HIVEP1: variants seen among roughly 807,000 people sequenced by gnomAD.
The protein encoded by HIVEP1 is zinc finger protein 40.
A neutral mutation model predicts 180.0 loss-of-function variants in HIVEP1; 36 were observed. That is an observed-to-expected ratio of 0.20 (90% confidence interval 0.15 to 0.26). HIVEP1 has a LOEUF of 0.26. HIVEP1 is among the 10% of genes least tolerant of loss of function. HIVEP1 has a pLI of 1.00. For missense variants in HIVEP1, 3,143 were observed against 3,268.7 expected (o/e 0.96, Z 0.94); for synonymous variants, 1,239 against 1,239.0 (o/e 1.00, Z 0.00).
chr6:12,011,703 G>A (rs1313098226), upstream of HIVEP1, among the ~76,000 whole-genome samples: 2 of 147,206 alleles, frequency 1.4e-5, no homozygotes, highest in Non-Finnish European at 3.0e-5. Flanking sequence ...GGCCCGCCCC[G>A]CCGGGGAGAC....
At chr6:12,107,367 T>C (rs565596716) in intron 3 of HIVEP1, among the ~76,000 whole-genome samples, 1 of 152,358 alleles carries the variant, frequency 6.6e-6, no homozygotes, top group South Asian at 2.1e-4. Context: ...TCTGAGTCTT[T>C]ATCCAGTCAT....
intron 2 of HIVEP1, among the ~76,000 whole-genome samples, chr6:12,043,527 CAGCT>C (rs1179482112): frequency 1.3e-4 from 19 of 151,862 alleles, no homozygotes; most frequent in Non-Finnish European, 2.5e-4. Flanking sequence ...CCACCACAGC[CAGCT>C]AATTTTTGTA....
the HIVEP1 span, among the ~76,000 whole-genome samples, chr6:12,183,696 T>C: frequency 6.6e-6 from 1 of 151,834 alleles, no homozygotes; most frequent in Non-Finnish European, 1.5e-5. Flanking sequence ...TTTGGATTCG[T>C]CTAGCCATCT....
intron 2 of HIVEP1, among the ~76,000 whole-genome samples, chr6:12,025,330 A>G (rs1768508060): frequency 6.6e-6 from 1 of 152,112 alleles, no homozygotes; most frequent in Non-Finnish European, 1.5e-5. Flanking sequence ...TTAAGCCTTT[A>G]ATTGTTTAGA....
intron 3 of HIVEP1, among the ~76,000 whole-genome samples, chr6:12,097,419 C>A: frequency 6.6e-6 from 1 of 151,568 alleles, no homozygotes; most frequent in East Asian, 1.9e-4. Flanking sequence ...CATCATAAAT[C>A]CTGAATTGGT....
chr6:12,011,554 G>A (rs1296688100), upstream of HIVEP1, among the ~76,000 whole-genome samples: 1 of 119,302 alleles, frequency 8.4e-6, no homozygotes, highest in Non-Finnish European at 1.8e-5. Flanking sequence ...CCCGCCCCCC[G>A]CGTCCCTAAC....
intron 7 of HIVEP1, among the ~76,000 whole-genome samples, chr6:12,145,022 A>T (rs1463424473): frequency 6.6e-6 from 1 of 152,250 alleles, no homozygotes; most frequent in Non-Finnish European, 1.5e-5. Context: ...ATTACTGGGT[A>T]TATACCCAAA....
chr6:12,203,365 C>G, the HIVEP1 span, among the ~76,000 whole-genome samples: 1 of 152,228 alleles, frequency 6.6e-6, no homozygotes, highest in African/African-American at 2.4e-5. Flanking sequence ...AACACTGGCT[C>G]TGGTTTCACA....
chr6:12,157,398 A>G (rs1359872164), intron 7 of HIVEP1, among the ~76,000 whole-genome samples: 1 of 152,022 alleles, frequency 6.6e-6, no homozygotes, highest in Non-Finnish European at 1.5e-5. Flanking sequence ...TTTTCTTTTG[A>G]TGCCTTCTCT....
intron 6 of HIVEP1, 105 bp downstream of exon 6, chr6:12,131,047 A>T: frequency 3.0e-6 from 2 of 675,664 alleles, no homozygotes; most frequent in Non-Finnish European, 4.9e-6. Context: ...CAGCTTAAAT[A>T]GACTAATGTC....
intron 2 of HIVEP1, chr6:12,020,241 T>C (rs755026690): frequency 8.8e-6 from 4 of 455,192 alleles, no homozygotes; most frequent in Non-Finnish European, 1.8e-5. Flanking sequence ...CTGTTTCCCA[T>C]CTGCAGGAAA....
At chr6:12,190,674 C>T in the HIVEP1 span, among the ~76,000 whole-genome samples, 1 of 152,146 alleles carries the variant, frequency 6.6e-6, no homozygotes, top group Non-Finnish European at 1.5e-5. Context: ...CTAATTCCTT[C>T]CTTTCATACT....
At chr6:12,156,361 T>C (rs1307542060) in intron 7 of HIVEP1, among the ~76,000 whole-genome samples, 1 of 152,192 alleles carries the variant, frequency 6.6e-6, no homozygotes, top group Non-Finnish European at 1.5e-5. Flanking sequence ...GTTTTCATAG[T>C]TTTTCATTTT....
chr6:12,080,709 T>C (rs906932087), intron 2 of HIVEP1, among the ~76,000 whole-genome samples: 1 of 152,146 alleles, frequency 6.6e-6, no homozygotes, highest in East Asian at 1.9e-4. Flanking sequence ...GGAAACATGC[T>C]TTCTGAAAAG....
chr6:12,102,576 A>C (rs536421714), intron 3 of HIVEP1, among the ~76,000 whole-genome samples: 1 of 152,220 alleles, frequency 6.6e-6, no homozygotes, highest in East Asian at 1.9e-4. Context: ...TGTCATACTG[A>C]TAACAGGTAA....
At chr6:12,104,384 C>T (rs1561942179) in intron 3 of HIVEP1, among the ~76,000 whole-genome samples, 2 of 140,228 alleles carry the variant, frequency 1.4e-5, no homozygotes, top group Admixed American at 7.4e-5. Context: ...CTCTTTCTCT[C>T]TCTCTCTTCG....
chr6:12,024,223 T>A (rs1479042323), intron 2 of HIVEP1, among the ~76,000 whole-genome samples: 2 of 151,976 alleles, frequency 1.3e-5, no homozygotes, highest in Non-Finnish European at 2.9e-5. Flanking sequence ...TAGGCTTACA[T>A]TTGGTATACA....
intron 6 of HIVEP1, among the ~76,000 whole-genome samples, chr6:12,131,478 A>G (rs1314839251): frequency 6.6e-6 from 1 of 151,580 alleles, no homozygotes; most frequent in Non-Finnish European, 1.5e-5. Context: ...AATTTTCTAT[A>G]GTTTCTATTA....
rs540947474 is a variant in HIVEP1, at chr6:12,136,686, GT to G, written c.6487+797del. Among the ~76,000 whole-genome samples the G allele has an allele frequency of 1.7e-3, 259 of 152,264 alleles. 1 individual carries two copies. Among genetic ancestry groups the G allele is most frequent in the African/African-American group, 5.7e-3 (238 of 41,554 alleles). On this transcript the variant is annotated intron_variant, in intron 7 of 8. Transcript: ENST00000379388. Reference sequence around the variant, plus strand: ...CAGCTCCATATTTGTGGAATAAAGCGTTTGTTTACTTCTCCAAAGTGTTTAT... The same window carrying G: ...CAGCTCCATATTTGTGGAATAAAGCGTTGTTTACTTCTCCAAAGTGTTTAT...
Sources: gnomAD v4.1 joint callset for allele counts (sites outside exome capture counted in the v4.1 genomes callset) on GRCh38, gnomAD v4.1.1 for gene constraint, MANE v1.5 for transcripts, NCBI Gene and HGNC (gene_info 2026-07-23, HGNC 2026-07-21) for gene names.